Variants in ITFG1 observed in about 807,000 individuals in gnomAD.
ITFG1 encodes T-cell immunomodulatory protein.
A neutral mutation model predicts 81.8 loss-of-function variants in ITFG1; 34 were observed. The observed-to-expected ratio is 0.42, with a 90% CI of 0.32 to 0.55. ITFG1 has a LOEUF of 0.55. Among genes scored for constraint, ITFG1 ranks in the 20% least tolerant of loss-of-function variants. ITFG1 has a pLI of 0.17. For synonymous variants in ITFG1, 285 were observed against 270.6 expected (o/e 1.05, Z -0.52); for missense variants, 672 against 755.4 (o/e 0.89, Z 1.29).
intron 6 of ITFG1, among the ~76,000 whole-genome samples, chr16:47,419,948 T>TC (rs1968923768): frequency 6.7e-6 from 1 of 149,518 alleles, no homozygotes; most frequent in Non-Finnish European, 1.5e-5. Context: ...TTTTTCTTTA[T>TC]CTTCTCTTTT....
intron 10 of ITFG1, among the ~76,000 whole-genome samples, chr16:47,307,997 T>C (rs1244411182): frequency 2.6e-5 from 4 of 152,240 alleles, no homozygotes; most frequent in African/African-American, 9.6e-5. Context: ...CATGGCTGCA[T>C]GGTATTCCAT....
At chr16:47,329,506 A>C (rs990385749) in intron 8 of ITFG1, among the ~76,000 whole-genome samples, 1 of 152,152 alleles carries the variant, frequency 6.6e-6, no homozygotes, top group African/African-American at 2.4e-5. Flanking sequence ...TGCCTTGGGA[A>C]AGTTATTTAT....
chr16:47,268,026 A>T (rs140803880), intron 10 of ITFG1, among the ~76,000 whole-genome samples: 4 of 152,176 alleles, frequency 2.6e-5, no homozygotes, highest in Non-Finnish European at 5.9e-5. Context: ...GAAAAAAGTA[A>T]ATAATAGTAG....
chr16:47,327,450 G>C (rs1967566656), intron 8 of ITFG1, among the ~76,000 whole-genome samples: 1 of 152,124 alleles, frequency 6.6e-6, no homozygotes, highest in Non-Finnish European at 1.5e-5. Context: ...AAAAGCAATG[G>C]CAACAAAAGC....
intron 5 of ITFG1, among the ~76,000 whole-genome samples, chr16:47,431,487 G>A (rs550445443): frequency 6.6e-6 from 1 of 152,198 alleles, no homozygotes; most frequent in Non-Finnish European, 1.5e-5. Context: ...CTCTGACCCT[G>A]TCCATGGAAA....
chr16:47,200,061 A>C (rs1965407061), intron 14 of ITFG1, among the ~76,000 whole-genome samples: 1 of 151,496 alleles, frequency 6.6e-6, no homozygotes, highest in African/African-American at 2.4e-5. Context: ...CCTGCTGTTC[A>C]CCTCCTGCTG....
chr16:47,378,887 T>C (rs1003969302), intron 6 of ITFG1, among the ~76,000 whole-genome samples: 17 of 152,306 alleles, frequency 1.1e-4, no homozygotes, highest in South Asian at 2.1e-4. Context: ...CCCTCTCACA[T>C]GGCTAAGAGT....
chr16:47,328,747 A>C (rs996769402), intron 8 of ITFG1, among the ~76,000 whole-genome samples: 10 of 152,184 alleles, frequency 6.6e-5, no homozygotes, highest in African/African-American at 2.2e-4. Flanking sequence ...TTTTAAGATT[A>C]GCACATTTAA....
Position 47,258,681 on chromosome 16 carries a change from A to C in ITFG1, c.1281T>G (p.His427Gln). ...KGYTKNDFAIHTLKNNFEADA... is the reference protein window; with the variant it reads ...KGYTKNDFAIQTLKNNFEADA... ...CTGCTTCAAAGTTATTTTTTAGTGT[A>C]TGAATGGCAAAATCATTCTTTGTAT... The change falls in exon 12 of 18, where the codon CAT (histidine) becomes CAG (glutamine). Residue 427 changes from histidine to glutamine, a missense_variant. Transcript: ENST00000320640. The C allele has an allele frequency of 6.4e-7, 1 of 1,559,734 alleles. No individual in the cohort carries two copies.
Position 47,341,683 on chromosome 16 carries a change from TTTATCTAGA to T in ITFG1, c.802+24096_802+24104del, listed in dbSNP as rs530318187. Among the ~76,000 whole-genome samples the T allele has an allele frequency of 9.2e-5, 14 of 152,150 alleles. No individual in the cohort carries two copies. The South Asian group carries it at 2.9e-3, about 32-fold the overall frequency. On this transcript the variant is annotated intron_variant, in intron 8 of 17. Coordinates refer to ENST00000320640, the MANE Select transcript of ITFG1 (RefSeq NM_030790.5). ...AAAAGATTTAAAAAATGGATGAACT[TTTATCTAGA>T]TTGACAAAAAGAGAGATGTACATAA...
At chr16:47,410,873 TCCCCAAG>T (rs1334761307) in intron 6 of ITFG1, among the ~76,000 whole-genome samples, 4 of 152,038 alleles carry the variant, frequency 2.6e-5, no homozygotes, top group Non-Finnish European at 5.9e-5. Flanking sequence ...GGGGACCCAT[TCCCCAAG>T]GCTCTCCATC....
At chr16:47,396,258 G>T in intron 6 of ITFG1, 1 of 666,398 alleles carries the variant, frequency 1.5e-6, no homozygotes, top group African/African-American at 2.0e-5. Flanking sequence ...GTTAGCTGTT[G>T]CTAAAATGTA....
At chr16:47,240,157 T>A (rs1318323938) in intron 12 of ITFG1, among the ~76,000 whole-genome samples, 2 of 149,780 alleles carry the variant, frequency 1.3e-5, no homozygotes, top group Non-Finnish European at 3.0e-5. Flanking sequence ...ATTAGCCAGA[T>A]GTGGTGACAC....
intron 12 of ITFG1, among the ~76,000 whole-genome samples, chr16:47,242,627 A>G (rs1436871426): frequency 6.6e-6 from 1 of 152,202 alleles, no homozygotes; most frequent in Non-Finnish European, 1.5e-5. Flanking sequence ...AAAACAGGAC[A>G]TATTTTTCAC....
chr16:47,175,759 AT>A (rs1361179411), intron 14 of ITFG1, among the ~76,000 whole-genome samples: 5 of 152,108 alleles, frequency 3.3e-5, no homozygotes, highest in African/African-American at 1.2e-4. Flanking sequence ...TTTTGTGGCA[AT>A]TTTTTGTGAT....
At chr16:47,182,179 TAAAAAA>T (rs544895364) in intron 14 of ITFG1, among the ~76,000 whole-genome samples, 1 of 126,958 alleles carries the variant, frequency 7.9e-6, no homozygotes, top group African/African-American at 2.9e-5. Context: ...AATGATCAAT[TAAAAAA>T]AAAAAAAACA....
chr16:47,394,885 A>G (rs1474557219), intron 6 of ITFG1, among the ~76,000 whole-genome samples: 1 of 152,214 alleles, frequency 6.6e-6, no homozygotes, highest in Non-Finnish European at 1.5e-5. Context: ...GCTAGTTTTC[A>G]AAAGACCATT....
intron 5 of ITFG1, among the ~76,000 whole-genome samples, chr16:47,444,734 G>A (rs1368963903): frequency 2.6e-5 from 4 of 152,042 alleles, no homozygotes; most frequent in African/African-American, 4.8e-5. Flanking sequence ...CTTTATCTAC[G>A]AATTTGATGG....
intron 5 of ITFG1, among the ~76,000 whole-genome samples, chr16:47,443,322 T>C (rs1329123315): frequency 1.3e-5 from 2 of 152,164 alleles, no homozygotes; most frequent in Non-Finnish European, 2.9e-5. Flanking sequence ...AGTTCAACCA[T>C]TGTGGAAGTC....
Sources: allele counts gnomAD v4.1 joint callset (sites outside exome capture counted in the v4.1 genomes callset), GRCh38; gene constraint gnomAD v4.1.1; transcripts MANE v1.5; gene names NCBI Gene and HGNC (gene_info 2026-07-23, HGNC 2026-07-21).